Variants in TENM3 observed in about 807,000 individuals in gnomAD.
The protein encoded by TENM3 is teneurin transmembrane protein 3.
A neutral mutation model predicts 255.1 loss-of-function variants in TENM3; 63 were observed. The ratio of observed to expected loss-of-function variants is 0.25; its 90% CI spans 0.20 to 0.30. The LOEUF is 0.30. Ranked by LOEUF, TENM3 falls within the 10% of genes least tolerant of loss-of-function variation. The probability of loss-of-function intolerance (pLI) is 1.00; values close to 1 mark genes in which losing one functional copy is unlikely to be tolerated. For missense variants in TENM3, 2,929 were observed against 3,461.1 expected, an observed-to-expected ratio of 0.85 and a Z score of 3.86; for synonymous variants, 1,306 against 1,322.3, an observed-to-expected ratio of 0.99 and a Z score of 0.27.
chr4:181,901,650 C>T, the TENM3 span, among the ~76,000 whole-genome samples: 6 of 152,286 alleles, frequency 3.9e-5, no homozygotes, highest in East Asian at 1.2e-3. Flanking sequence ...AAGCCCCTAA[C>T]ACACCCCTCA....
chr4:181,839,867 A>G, the TENM3 span, among the ~76,000 whole-genome samples: 3 of 151,806 alleles, frequency 2.0e-5, no homozygotes, highest in South Asian at 6.2e-4. Flanking sequence ...CTAGGTTTAC[A>G]TTTCTTCTTA....
At chr4:181,978,670 GAAA>G in the TENM3 span, among the ~76,000 whole-genome samples, 1 of 134,940 alleles carries the variant, frequency 7.4e-6, no homozygotes, top group Admixed American at 7.5e-5. Context: ...GAAAAGAAAA[GAAA>G]AAAAAAAACC....
intron 3 of TENM3, among the ~76,000 whole-genome samples, chr4:182,424,588 T>A (rs76692069): frequency 6.6e-6 from 1 of 152,284 alleles, no homozygotes; most frequent in African/African-American, 2.4e-5. Flanking sequence ...TATGAGGACT[T>A]TGCATCAACC....
the TENM3 span, among the ~76,000 whole-genome samples, chr4:181,572,501 A>G: frequency 9.9e-5 from 15 of 152,186 alleles, no homozygotes. Context: ...ATGCTCCTTA[A>G]ATAGTTTTTC....
At chr4:182,416,599 T>A (rs564784079) in intron 3 of TENM3, among the ~76,000 whole-genome samples, 17 of 152,042 alleles carry the variant, frequency 1.1e-4, no homozygotes, top group Non-Finnish European at 2.2e-4. Flanking sequence ...TCAACTGAGG[T>A]TAATAACTCG....
At position 182,796,624 on chromosome 4, in the gene TENM3, A is replaced by C. The variant is rs1447473588; in HGVS notation, c.7214-13A>C. The C allele has an allele frequency of 1.3e-6, 2 of 1,593,090 alleles. No individual in the cohort carries two copies. Among genetic ancestry groups the C allele is most frequent in the East Asian group, 2.3e-5 (1 of 44,262 alleles). ...AACTCCAACACCTTTCATTCTGAAC[A>C]TTCTTCTCCTAGATGTTAACAGCTG... On this transcript the variant is annotated splice_polypyrimidine_tract_variant and intron_variant, in intron 26 of 27. Transcript: ENST00000511685.
In TENM3 at chr4:182,801,833, T is replaced by G. The variant is rs1372937217; in HGVS notation, c.*1482T>G. 2 of 152,382 alleles carry G rather than the reference T, an allele frequency of 1.3e-5. No homozygotes were observed. Among genetic ancestry groups the G allele is most frequent in the Admixed American group, 1.3e-4 (2 of 15,270 alleles). 9.4% of individuals were successfully genotyped at this position (152,382 alleles called of 1,614,324 possible). On this transcript the variant is annotated 3_prime_UTR_variant, in exon 28 of 28. Coordinates refer to ENST00000511685, the MANE Select transcript of TENM3 (RefSeq NM_001080477.4). Reference sequence around the variant, plus strand: ...TGACAGCCGCGCCCTCCTGCACACATGCATGCACGCGTGTGGGAACGAGCC... The same window carrying G: ...TGACAGCCGCGCCCTCCTGCACACAGGCATGCACGCGTGTGGGAACGAGCC...
intron 23 of TENM3, among the ~76,000 whole-genome samples, 177 bp from the exon 24 acceptor site, chr4:182,774,741 C>T (rs1764537656): frequency 6.6e-6 from 1 of 152,192 alleles, no homozygotes; most frequent in Non-Finnish European, 1.5e-5. Context: ...TTAGCCAAAC[C>T]TCTGACAGCA....
At chr4:181,455,929 C>T in the TENM3 span, among the ~76,000 whole-genome samples, 19 of 151,932 alleles carry the variant, frequency 1.3e-4, no homozygotes, top group African/African-American at 4.1e-4. Context: ...TCTCACACTA[C>T]GGTGGGAAGG....
chr4:182,076,213 C>CTTCT, the TENM3 span, among the ~76,000 whole-genome samples: 245 of 126,360 alleles, frequency 1.9e-3, 3 homozygotes, highest in East Asian at 4.3e-3. Flanking sequence ...TCTTCTTCTT[C>CTTCT]TTTTTTTTTT....
chr4:182,325,350 A>G (rs1471071962), intron 2 of TENM3, among the ~76,000 whole-genome samples: 1 of 152,194 alleles, frequency 6.6e-6, no homozygotes, highest in Non-Finnish European at 1.5e-5. Context: ...TTGTAACTAG[A>G]TTGAAATAGT....
chr4:181,740,392 C>G, the TENM3 span, among the ~76,000 whole-genome samples: 2 of 152,106 alleles, frequency 1.3e-5, no homozygotes, highest in East Asian at 3.9e-4. Context: ...ACATGTTTCA[C>G]TATGAATATA....
intron 3 of TENM3, among the ~76,000 whole-genome samples, chr4:182,545,639 G>A (rs1166447644): frequency 1.3e-5 from 2 of 151,792 alleles, no homozygotes; most frequent in African/African-American, 4.8e-5. Flanking sequence ...CTCCCTCCCC[G>A]GTGGTATTAC....
chr4:182,382,721 A>AAAGGCAGGCAGAGGTCG (rs1326877597), intron 3 of TENM3, among the ~76,000 whole-genome samples: 5 of 152,180 alleles, frequency 3.3e-5, no homozygotes, highest in African/African-American at 1.2e-4. Flanking sequence ...CTGCACATTG[A>AAAGGCAGGCAGAGGTCG]AAGGCAGGCA....
intron 3 of TENM3, among the ~76,000 whole-genome samples, chr4:182,533,194 C>T (rs1480096366): frequency 6.6e-6 from 1 of 152,162 alleles, no homozygotes; most frequent in Non-Finnish European, 1.5e-5. Flanking sequence ...TCTAATACAG[C>T]TTTTAATTAT....
intron 5 of TENM3, among the ~76,000 whole-genome samples, chr4:182,630,145 C>T (rs1046912952): frequency 6.6e-6 from 1 of 152,070 alleles, no homozygotes; most frequent in African/African-American, 2.4e-5. Flanking sequence ...CTTTCTGTTA[C>T]CTTTCTGTCA....
intron 2 of TENM3, among the ~76,000 whole-genome samples, chr4:182,331,204 A>C: frequency 6.6e-6 from 1 of 152,182 alleles, no homozygotes; most frequent in East Asian, 1.9e-4. Context: ...AAAAAACAAG[A>C]TGAAAGGAGT....
the TENM3 span, among the ~76,000 whole-genome samples, chr4:181,641,777 C>CAT: frequency 2.0e-5 from 2 of 100,888 alleles, no homozygotes; most frequent in African/African-American, 7.9e-5. Context: ...TATATACATA[C>CAT]ACACACCATA....
the TENM3 span, among the ~76,000 whole-genome samples, chr4:181,981,200 G>T: frequency 9.9e-4 from 150 of 152,052 alleles, no homozygotes; most frequent in African/African-American, 3.5e-3. Flanking sequence ...TACAGCTGAC[G>T]GGCTGTCTCG....
Sources: allele counts gnomAD v4.1 joint callset (sites outside exome capture counted in the v4.1 genomes callset), GRCh38; gene constraint gnomAD v4.1.1; transcripts MANE v1.5; gene names NCBI Gene and HGNC (gene_info 2026-07-23, HGNC 2026-07-21).